MICALL1: variants seen among roughly 807,000 people sequenced by gnomAD.
The protein encoded by MICALL1 is MICAL like 1.
In MICALL1, 61 loss-of-function variants were observed where a neutral mutation model predicts 83.7. The ratio of observed to expected loss-of-function variants is 0.73; its 90% confidence interval spans 0.59 to 0.90. The LOEUF is 0.90. Ranked by LOEUF, MICALL1 falls within the 40% of genes least tolerant of loss-of-function variation. The pLI, the probability that MICALL1 is intolerant of heterozygous loss-of-function variation, is 0.00. For synonymous variants in MICALL1, 481 were observed against 473.6 expected, an observed-to-expected ratio of 1.02 and a Z score of -0.20; for missense variants, 1,066 against 1,152.0, an observed-to-expected ratio of 0.93 and a Z score of 1.08.
chr22:37,921,670 A>C (rs1455135826), intron 5 of MICALL1, among the ~76,000 whole-genome samples: 5 of 152,256 alleles, frequency 3.3e-5, no homozygotes, highest in Admixed American at 3.3e-4. Context: ...TACTGGATGC[A>C]GCCACTCACT....
At chr22:37,912,024 C>T in intron 2 of MICALL1, 24 bp downstream of exon 2, 1 of 1,609,780 alleles carries the variant, frequency 6.2e-7, no homozygotes, top group Non-Finnish European at 8.5e-7. Context: ...CAGGTGGAAG[C>T]CCAAGAGGCT....
chr22:37,924,514 T>A lies in MICALL1; in HGVS notation c.1025-146T>A. 3 of 676,828 alleles carry A rather than the reference T, an allele frequency of 4.4e-6. No homozygotes were observed. In the South Asian group the frequency reaches 6.0e-5, roughly 14 times the overall value. The allele number at this position is 676,828 out of a possible 1,614,324, so 41.9% of individuals were successfully genotyped here. On this transcript the variant is annotated intron_variant, in intron 6 of 15. Transcript: ENST00000215957. This position sits in a 1 kb window ranked among gnomAD's most constrained non-coding sequence, Gnocchi z 5.2. The stretch of plus-strand genomic sequence containing the variant: ...GTTCTCAGGCACCTGGGTGCTTATC[T>A]AATCTCCATGGGCTGGCCTGGGGAG...
chr22:37,912,503 G>A lies in MICALL1; in HGVS notation c.337+11G>A, dbSNP rs374320026. The A allele has an allele frequency of 1.3e-5, 20 of 1,588,592 alleles. No homozygotes were observed. In the African/African-American group the frequency reaches 1.6e-4, roughly 13 times the overall value. ...GCAGTCCTGGCCAAGGTGAGAGGGG[G>A]ACTCAGCGTTTCACGGAGGCTGGCC... On this transcript the variant is annotated intron_variant, in intron 3 of 15. Coordinates refer to ENST00000215957, the MANE Select transcript of MICALL1 (RefSeq NM_033386.4).
rs1290582762 is a variant in MICALL1 at position 37,937,626 on chromosome 22, G to A, written c.2424-120G>A. On this transcript the variant is annotated intron_variant, in intron 14 of 15. Coordinates refer to ENST00000215957, the MANE Select transcript of MICALL1 (RefSeq NM_033386.4). ...TTTAGTAGAGATGGGGTTTCACCAT[G>A]TTGGCTAGGCTGATCTCGAACTCCT... The A allele has an allele frequency of 4.1e-6, 4 of 967,746 alleles. No homozygotes were observed. In the African/African-American group the frequency reaches 4.9e-5, roughly 12 times the overall value. The allele number at this position is 967,746 out of a possible 1,614,324, so 59.9% of individuals were successfully genotyped here.
In MICALL1 at chr22:37,917,753, G is replaced by A. The variant is rs372620818; in HGVS notation, c.384G>A (p.Pro128=). The change falls in exon 4 of 16, where the codon CCG becomes CCA. Residue 128 remains proline, a synonymous_variant. Coordinates refer to ENST00000215957, the MANE Select transcript of MICALL1 (RefSeq NM_033386.4). The part of the protein sequence containing the change: ...PRKGLAPCSP[P]SVAPTPVEPE... The stretch of plus-strand genomic sequence containing the variant: ...AGGGCCTTGCACCCTGTTCCCCGCC[G>A]TCTGTAGCACCCACTCCAGTGGAAC... The A allele has an allele frequency of 3.3e-5, 53 of 1,613,920 alleles. No homozygotes were observed. In the East Asian group the frequency reaches 3.3e-4, roughly 10 times the overall value.
intron 3 of MICALL1, among the ~76,000 whole-genome samples, chr22:37,915,677 G>A (rs1210557649): frequency 7.0e-6 from 1 of 142,698 alleles, no homozygotes; most frequent in African/African-American, 2.6e-5. Flanking sequence ...ACAGAGTCTC[G>A]CTGTGTCATC....
At chr22:37,908,793 G>T (rs780388731) in intron 1 of MICALL1, among the ~76,000 whole-genome samples, 1 of 152,192 alleles carries the variant, frequency 6.6e-6, no homozygotes, top group Non-Finnish European at 1.5e-5. Flanking sequence ...AGGGCTGGGG[G>T]TGGGAGACCT....
Position 37,906,691 on chromosome 22 carries a change from AC to A in MICALL1, c.146+130del, listed in dbSNP as rs1017133099. ...GCCGCCCCCGGACACGGAGACGCCG[AC>A]CCCCCCGACGGCCCCGGACGCCGGG... On this transcript the variant is annotated intron_variant, in intron 1 of 15. Coordinates refer to ENST00000215957, the MANE Select transcript of MICALL1 (RefSeq NM_033386.4). This position sits in a 1 kb window ranked among gnomAD's most constrained non-coding sequence, Gnocchi z 4.4. The A allele has an allele frequency of 6.0e-5, 53 of 877,722 alleles. No individual in the cohort carries two copies. Among genetic ancestry groups the A allele is most frequent in the East Asian group, 1.1e-4 (2 of 17,718 alleles). The allele number at this position is 877,722 out of a possible 1,614,324, so 54.4% of individuals were successfully genotyped here. A position where few individuals can be genotyped will look rare whatever the true frequency, so the allele number is the denominator to read the frequency against.
intron 9 of MICALL1, among the ~76,000 whole-genome samples, chr22:37,929,501 G>A (rs1269684199): frequency 6.6e-6 from 1 of 152,182 alleles, no homozygotes; most frequent in African/African-American, 2.4e-5. Context: ...GTGCCATGAG[G>A]GGTGTTTACC....
chr22:37,927,930 T>C, intron 9 of MICALL1, 104 bp downstream of exon 9: 2 of 1,240,358 alleles, frequency 1.6e-6, no homozygotes, highest in Non-Finnish European at 2.2e-6. Flanking sequence ...TTTTTTGAGA[T>C]GGAGTCTCTC....
chr22:37,939,717 T>C (rs2145962325), intron 15 of MICALL1, among the ~76,000 whole-genome samples: 1 of 136,086 alleles, frequency 7.3e-6, no homozygotes, highest in South Asian at 2.2e-4. Context: ...GAGGTTGCAG[T>C]GAGCCGAGAT....
chr22:37,937,264 G>A (rs1448061133), intron 14 of MICALL1, 70 bp downstream of exon 14: 1 of 1,258,378 alleles, frequency 7.9e-7, no homozygotes, highest in Non-Finnish European at 1.1e-6. Context: ...CCTCATGGGT[G>A]GGGCAGCTCC....
chr22:37,909,642 G>A (rs1441131603), intron 1 of MICALL1, among the ~76,000 whole-genome samples: 2 of 152,220 alleles, frequency 1.3e-5, no homozygotes, highest in African/African-American at 4.8e-5. Flanking sequence ...ATAGGTGTGA[G>A]CCACCGCGCC....
intron 1 of MICALL1, among the ~76,000 whole-genome samples, chr22:37,910,931 C>T (rs1445899141): frequency 1.3e-5 from 2 of 152,336 alleles, no homozygotes; most frequent in East Asian, 1.9e-4. Flanking sequence ...TCAGAGGCGG[C>T]GTGGCCTGCT....
At chr22:37,936,195 G>A (rs1235043267) in intron 13 of MICALL1, among the ~76,000 whole-genome samples, 1 of 152,174 alleles carries the variant, frequency 6.6e-6, no homozygotes, top group Non-Finnish European at 1.5e-5. Flanking sequence ...GCCTTGAGAG[G>A]AAAGGAGGCA....
At position 37,911,137 on chromosome 22, in the gene MICALL1, G is replaced by A. The variant is rs988319313; in HGVS notation, c.147-815G>A. Among the ~76,000 whole-genome samples, 3 of 152,208 alleles carry A rather than the reference G, an allele frequency of 2.0e-5. No individual in the cohort carries two copies. The South Asian group carries it at 6.2e-4, about 32-fold the overall frequency. The stretch of plus-strand genomic sequence containing the variant: ...AGGCCAGCCAGCTGTCCCGTGCTGG[G>A]GCCCCCAGACAGGCCCTGCCACCTC... On this transcript the variant is annotated intron_variant, in intron 1 of 15. Coordinates refer to ENST00000215957, the MANE Select transcript of MICALL1 (RefSeq NM_033386.4).
intron 2 of MICALL1, 49 bp from the exon 3 acceptor site, chr22:37,912,302 C>A: frequency 6.4e-7 from 1 of 1,566,300 alleles, no homozygotes; most frequent in Non-Finnish European, 8.7e-7. Context: ...AACGCCTCCT[C>A]CTCTTCCTGC....
intron 6 of MICALL1, among the ~76,000 whole-genome samples, chr22:37,923,713 C>T (rs1569142360): frequency 6.6e-6 from 1 of 152,192 alleles, no homozygotes. Flanking sequence ...TAGTAAGTGC[C>T]ACTCTGCATG....
rs1278621725 is a variant in MICALL1, at chr22:37,919,181, G to C, written c.569+3G>C. On this transcript the variant is annotated splice_donor_region_variant and intron_variant, in intron 5 of 15. Coordinates refer to ENST00000215957, the MANE Select transcript of MICALL1 (RefSeq NM_033386.4). ...CTGTACCATCGCCACTGCTTCCGGTGAGTGGCCAGGGCCGCGTGTTACCCC... is the reference window on the plus strand; with the variant it reads ...CTGTACCATCGCCACTGCTTCCGGTCAGTGGCCAGGGCCGCGTGTTACCCC... The C allele has an allele frequency of 6.5e-7, 1 of 1,529,228 alleles. No homozygotes were observed. The highest frequency in any genetic ancestry group is 1.2e-5 in the South Asian group (1 of 82,506). 94.7% of individuals were successfully genotyped at this position (1,529,228 alleles called of 1,614,324 possible).
Sources: gnomAD v4.1 joint callset for allele counts (sites outside exome capture counted in the v4.1 genomes callset) on GRCh38, gnomAD v4.1.1 for gene constraint, Gnocchi (gnomAD v3.1) non-coding constraint, MANE v1.5 for transcripts, NCBI Gene and HGNC (gene_info 2026-07-23, HGNC 2026-07-21) for gene names.